CDC42BPA: variants seen among roughly 807,000 people sequenced by gnomAD.
CDC42BPA encodes the protein CDC42 binding protein kinase alpha.
CDC42BPA carries 80 observed loss-of-function variants against 223.5 expected under a neutral mutation model. The ratio of observed to expected loss-of-function variants is 0.36; its 90% CI spans 0.30 to 0.43. CDC42BPA has a LOEUF of 0.43. Ranked by LOEUF, CDC42BPA falls within the 20% of genes least tolerant of loss-of-function variation. CDC42BPA has a pLI of 1.00. For synonymous variants in CDC42BPA, 694 were observed against 718.6 expected, an observed-to-expected ratio of 0.97 and a Z score of 0.55; for missense variants, 1,743 against 2,099.9, an observed-to-expected ratio of 0.83 and a Z score of 3.32.
intron 1 of CDC42BPA, among the ~76,000 whole-genome samples, chr1:227,316,774 G>A (rs762849895): frequency 6.6e-6 from 1 of 152,154 alleles, no homozygotes; most frequent in Non-Finnish European, 1.5e-5. Flanking sequence ...GTTCTTCATA[G>A]CCAAGTTCCA....
intron 6 of CDC42BPA, among the ~76,000 whole-genome samples, chr1:227,151,881 C>CAAAAAA (rs58336726): frequency 6.3e-4 from 54 of 85,182 alleles, no homozygotes; most frequent in Admixed American, 1.8e-3. Context: ...CCAGTCTCTA[C>CAAAAAA]AAAAAAAAAA....
At chr1:227,116,242 C>T (rs1687758935) in intron 12 of CDC42BPA, among the ~76,000 whole-genome samples, 2 of 152,138 alleles carry the variant, frequency 1.3e-5, no homozygotes, top group Non-Finnish European at 2.9e-5. Context: ...AGAAATATAA[C>T]AGTGGCTTAA....
At chr1:227,034,862 T>C (rs187146366) in intron 25 of CDC42BPA, 68 bp from the exon 26 acceptor site, 5 of 1,403,262 alleles carry the variant, frequency 3.6e-6, no homozygotes, top group African/African-American at 2.9e-5. Context: ...AAATTACATA[T>C]GTAATTGCAT....
rs1694640470 is a variant in CDC42BPA, at chr1:227,317,788, A to G, written c.-606T>C. The G allele has an allele frequency of 2.5e-6, 1 of 398,662 alleles. No homozygotes were observed. The highest frequency in any genetic ancestry group is 4.4e-5 in the Admixed American group (1 of 22,736). The allele number at this position is 398,662 out of a possible 1,614,324, so 24.7% of individuals were successfully genotyped here. ...GGAAAGGGAGGGGGCGAGGTCCCTG[A>G]AGCAGCCCCTCGGCTCGGAGCACGC... is the stretch of plus-strand genomic sequence containing the variant. On this transcript the variant is annotated 5_prime_UTR_variant, in exon 1 of 37. Transcript: ENST00000366766.
intron 3 of CDC42BPA, among the ~76,000 whole-genome samples, chr1:227,212,836 CCA>C (rs1674169706): frequency 6.6e-6 from 1 of 152,134 alleles, no homozygotes; most frequent in African/African-American, 2.4e-5. Flanking sequence ...TAGAAATCAA[CCA>C]TTACAAAATG....
intron 2 of CDC42BPA, among the ~76,000 whole-genome samples, chr1:227,214,243 A>G (rs948871769): frequency 4.6e-5 from 7 of 152,210 alleles, no homozygotes; most frequent in African/African-American, 1.4e-4. Context: ...GCAAATGTGC[A>G]TATCAAGGTT....
chr1:227,213,137 T>C lies in CDC42BPA; in HGVS notation c.353A>G (p.Glu118Gly), dbSNP rs1674228739. 1.8e-5 allele frequency: 27 copies of C among 1,481,474 alleles called. No individual in the cohort carries two copies. Among genetic ancestry groups the C allele is most frequent in the Non-Finnish European group, 2.4e-5 (26 of 1,071,348 alleles). 91.8% of individuals were successfully genotyped at this position (1,481,474 alleles called of 1,614,324 possible). A position where few individuals can be genotyped will look rare whatever the true frequency, so the allele number is the denominator to read the frequency against. ...TATTCCAATACATAAGACTCTTACC[T>C]CAGCTCTTTTCAGCATTTCCCATTT... is the stretch of plus-strand genomic sequence containing the variant. ...LNKWEMLKRA[E>G]TACFREERDV... Residue 118 changes from glutamate (E) to glycine (G), a missense_variant and splice_region_variant, in exon 3 of 37, where the codon GAG (glutamate) becomes GGG (glycine). Physicochemically the swap from Glu to Gly is moderately conservative, Grantham distance 98. Around this residue, in one of 6 missense-constraint regions of CDC42BPA, gnomAD observed 321 missense variants for 488.7 expected, o/e 0.66. Transcript: ENST00000366766.
intron 5 of CDC42BPA, among the ~76,000 whole-genome samples, chr1:227,177,127 GAA>G (rs141253636): frequency 1.8e-5 from 1 of 56,432 alleles, no homozygotes; most frequent in Admixed American, 1.6e-4. Flanking sequence ...AAAGATGTAA[GAA>G]AAAAAAAATA....
At chr1:227,189,282 G>T (rs1396188721) in intron 5 of CDC42BPA, among the ~76,000 whole-genome samples, 4 of 152,042 alleles carry the variant, frequency 2.6e-5, no homozygotes, top group Non-Finnish European at 4.4e-5. Context: ...ACTGCCCAAA[G>T]AAAGGAAGGG....
intron 35 of CDC42BPA, among the ~76,000 whole-genome samples, chr1:227,003,525 T>C (rs1663339454): frequency 1.3e-5 from 2 of 152,200 alleles, no homozygotes; most frequent in Non-Finnish European, 2.9e-5. Flanking sequence ...CCAGGAAATA[T>C]CTTAGATCGC....
chr1:227,223,745 A>G lies in CDC42BPA; in HGVS notation c.271-10526T>C, dbSNP rs895647920. 2.0e-5 allele frequency among the ~76,000 whole-genome samples: 3 copies of G among 152,290 alleles called. 1 individual carries two copies. In the South Asian group the frequency reaches 6.2e-4, roughly 32 times the overall value. ...CCAACTTACAATAGTTCAACTGATG[A>G]TTTTTCAATTTTTCAACTTTACAGA... On this transcript the variant is annotated intron_variant, in intron 2 of 36. Coordinates refer to ENST00000366766, the MANE Select transcript of CDC42BPA (RefSeq NM_001394014.1).
At chr1:227,213,367 T>C in intron 2 of CDC42BPA, 148 bp from the exon 3 acceptor site, 1 of 518,644 alleles carries the variant, frequency 1.9e-6, no homozygotes, top group Non-Finnish European at 3.4e-6. Flanking sequence ...AATTAAATAA[T>C]GTTGCCAGAT....
rs574092472 is a variant in CDC42BPA at position 227,023,108 on chromosome 1, A to C, written c.4615+155T>G. The stretch of plus-strand genomic sequence containing the variant: ...CCCAGTAATTTATTCTAATATATTA[A>C]GAATGTGATAGTGGCCAACATCATA... On this transcript the variant is annotated intron_variant, in intron 32 of 36. Coordinates refer to ENST00000366766, the MANE Select transcript of CDC42BPA (RefSeq NM_001394014.1). Among the ~76,000 whole-genome samples, 6 of 152,348 alleles carry C rather than the reference A, an allele frequency of 3.9e-5. No individual in the cohort carries two copies. In the East Asian group the frequency reaches 1.2e-3, roughly 29 times the overall value.
intron 22 of CDC42BPA, among the ~76,000 whole-genome samples, chr1:227,049,605 G>A (rs561594715): frequency 8.5e-5 from 13 of 152,196 alleles, no homozygotes; most frequent in African/African-American, 3.1e-4. Flanking sequence ...AAAGGAAGAA[G>A]GTATGTGGGA....
At chr1:227,226,850 A>G (rs1029846504) in intron 2 of CDC42BPA, among the ~76,000 whole-genome samples, 3 of 152,210 alleles carry the variant, frequency 2.0e-5, no homozygotes, top group Non-Finnish European at 4.4e-5. Context: ...AGCTGATTAG[A>G]TATTTTAAAG....
intron 2 of CDC42BPA, among the ~76,000 whole-genome samples, chr1:227,253,269 C>A (rs12141148): frequency 1.6e-4 from 13 of 80,190 alleles, no homozygotes; most frequent in East Asian, 6.2e-4. Context: ...CGAGAGAGAG[C>A]GCGCGCGCGT....
intron 5 of CDC42BPA, among the ~76,000 whole-genome samples, chr1:227,189,615 G>C (rs994414217): frequency 6.6e-6 from 1 of 152,054 alleles, no homozygotes; most frequent in African/African-American, 2.4e-5. Context: ...TCCTAGTCCA[G>C]TGCTTTTTGG....
chr1:227,032,477 T>A (rs1669461145), intron 27 of CDC42BPA, among the ~76,000 whole-genome samples: 9 of 151,748 alleles, frequency 5.9e-5, no homozygotes, highest in Admixed American at 5.9e-4. Flanking sequence ...ATTTACCCAC[T>A]CAAGATTGCA....
chr1:227,138,967 C>CAG (rs1010423646), intron 10 of CDC42BPA, among the ~76,000 whole-genome samples: 57 of 151,960 alleles, frequency 3.8e-4, no homozygotes, highest in African/African-American at 1.2e-3. Context: ...GTTAAGGGGT[C>CAG]AGAGAGAGAG....
Sources: gnomAD v4.1 joint callset for allele counts (sites outside exome capture counted in the v4.1 genomes callset) on GRCh38, gnomAD v4.1.1 for gene constraint, gnomAD v4.1.1 regional missense constraint, MANE v1.5 for transcripts, NCBI Gene and HGNC (gene_info 2026-07-23, HGNC 2026-07-21) for gene names.